The following BMPER variants were observed in gnomAD, a reference collection of about 807,000 sequenced individuals.
BMPER encodes BMP binding endothelial regulator.
Under a neutral mutation model 87.3 loss-of-function variants are expected in BMPER, and 45 were observed. That is an observed-to-expected ratio of 0.52 (90% CI 0.41 to 0.66). The LOEUF (loss-of-function observed/expected upper bound fraction) is 0.66, where lower values mean the gene tolerates loss of function less well. BMPER is among the 30% of genes least tolerant of loss of function. The probability of loss-of-function intolerance (pLI) is 0.00; values close to 1 mark genes in which losing one functional copy is unlikely to be tolerated. For synonymous variants in BMPER, 326 were observed against 316.2 expected (o/e 1.03, Z -0.33); for missense variants, 784 against 867.5 (o/e 0.90, Z 1.21).
At chr7:33,924,146 A>AT (rs1467930862) in intron 2 of BMPER, among the ~76,000 whole-genome samples, 2 of 152,022 alleles carry the variant, frequency 1.3e-5, no homozygotes, top group Non-Finnish European at 1.5e-5. Context: ...GCATGGCTCC[A>AT]TTTTTTCAGG....
intron 6 of BMPER, among the ~76,000 whole-genome samples, chr7:34,045,144 G>C (rs1446987088): frequency 6.6e-6 from 1 of 152,132 alleles, no homozygotes; most frequent in East Asian, 1.9e-4. Flanking sequence ...AAATCCCAGA[G>C]AAGCGAATTC....
chr7:33,970,401 T>A lies in BMPER; in HGVS notation c.475T>A (p.Cys159Ser). ...AAACCCTTTGGAGCATCTGGGAATG[T>A]GCTGCCCCACATGTCCAGGTAACGT... ...CKNPLEHLGM[C>S]CPTCPGCVFE... is the part of the protein sequence containing the mutation. Residue 159 changes from cysteine (C) to serine (S), a missense_variant, in exon 5 of 15, where the codon TGC becomes AGC. Physicochemically the swap from Cys to Ser is moderately radical, Grantham distance 112 (BLOSUM62 -1). Transcript: ENST00000649409. The A allele has an allele frequency of 6.2e-7, 1 of 1,614,136 alleles. No individual in the cohort carries two copies. The highest frequency in any genetic ancestry group is 8.5e-7 in the Non-Finnish European group (1 of 1,179,990).
intron 6 of BMPER, among the ~76,000 whole-genome samples, chr7:34,033,997 T>C (rs1333984824): frequency 1.3e-5 from 2 of 152,198 alleles, no homozygotes; most frequent in Non-Finnish European, 2.9e-5. Context: ...GACTTGTGTT[T>C]CTCCATCCTT....
intron 13 of BMPER, among the ~76,000 whole-genome samples, chr7:34,109,245 A>G (rs754382304): frequency 1.1e-4 from 17 of 152,198 alleles, no homozygotes; most frequent in Non-Finnish European, 4.4e-5. Flanking sequence ...GGCGGCAAAA[A>G]GCCAGTGTCT....
chr7:33,909,373 CA>C (rs1441599150), intron 2 of BMPER, among the ~76,000 whole-genome samples: 2 of 152,138 alleles, frequency 1.3e-5, no homozygotes, highest in African/African-American at 4.8e-5. Context: ...AAAGAACATC[CA>C]AATTATTTTA....
rs61007454 is a variant in BMPER at position 33,919,923 on chromosome 7, A to ATATCTATCTATCTATCTATCTATC, written c.219+13028_219+13051dup. Among the ~76,000 whole-genome samples, 411 of 150,828 alleles carry ATATCTATCTATCTATCTATCTATC rather than the reference A, an allele frequency of 2.7e-3. 2 individuals carry two copies. Among genetic ancestry groups the ATATCTATCTATCTATCTATCTATC allele is most frequent in the East Asian group, 4.7e-3 (24 of 5,056 alleles). Reference sequence around the variant, plus strand: ...TTTATAAGGTTATGTATCTGTGTACATATCTATCTATCTATCTATCTATCT... The same window carrying ATATCTATCTATCTATCTATCTATC: ...TTTATAAGGTTATGTATCTGTGTACATATCTATCTATCTATCTATCTATCTATCTATCTATCTATCTATCTATCT... On this transcript the variant is annotated intron_variant, in intron 2 of 14. Transcript: ENST00000649409.
intron 6 of BMPER, among the ~76,000 whole-genome samples, chr7:34,011,611 AAAAG>A (rs1407420391): frequency 1.3e-5 from 2 of 150,954 alleles, no homozygotes; most frequent in East Asian, 1.9e-4. Flanking sequence ...AAAAGAAAAA[AAAAG>A]AAAGAAAAAA....
intron 6 of BMPER, among the ~76,000 whole-genome samples, chr7:34,037,000 A>C (rs1787691499): frequency 6.6e-6 from 1 of 152,166 alleles, no homozygotes; most frequent in South Asian, 2.1e-4. Context: ...TTTTACCTTT[A>C]AAAATGAGAC....
chr7:34,056,895 C>T (rs146741509), intron 9 of BMPER, among the ~76,000 whole-genome samples: 264 of 152,260 alleles, frequency 1.7e-3, no homozygotes, highest in African/African-American at 6.0e-3. Flanking sequence ...GGATTACAGG[C>T]GTGAGCCACC....
At chr7:34,103,622 G>T (rs1414249582) in intron 13 of BMPER, among the ~76,000 whole-genome samples, 1 of 152,160 alleles carries the variant, frequency 6.6e-6, no homozygotes, top group East Asian at 1.9e-4. Context: ...GAAGGGGATT[G>T]CTATTGAATT....
chr7:34,107,480 T>A (rs545467407), intron 13 of BMPER, among the ~76,000 whole-genome samples: 2 of 152,280 alleles, frequency 1.3e-5, no homozygotes, highest in South Asian at 4.1e-4. Context: ...CTGACTAACA[T>A]CCTCCAGGGA....
At chr7:33,935,569 C>A (rs995885136) in intron 2 of BMPER, among the ~76,000 whole-genome samples, 1 of 148,766 alleles carries the variant, frequency 6.7e-6, no homozygotes, top group African/African-American at 2.5e-5. Flanking sequence ...TATAACAGAT[C>A]CCAAAAAAGA....
At chr7:34,065,918 G>A (rs1299907949) in intron 11 of BMPER, among the ~76,000 whole-genome samples, 2 of 152,136 alleles carry the variant, frequency 1.3e-5, no homozygotes, top group Non-Finnish European at 2.9e-5. Flanking sequence ...ACACATACAT[G>A]CATACGTCAA....
At chr7:33,994,289 C>A (rs1292834309) in intron 6 of BMPER, among the ~76,000 whole-genome samples, 1 of 152,218 alleles carries the variant, frequency 6.6e-6, no homozygotes, top group Non-Finnish European at 1.5e-5. Flanking sequence ...GGGCGTAGGA[C>A]CCTCCGAGCC....
intron 6 of BMPER, among the ~76,000 whole-genome samples, chr7:33,980,653 C>T (rs1035139202): frequency 3.3e-5 from 5 of 152,102 alleles, no homozygotes; most frequent in Admixed American, 2.0e-4. Context: ...AAATTGCTTA[C>T]GGGAGGGAGT....
chr7:33,933,060 A>G (rs1784518240), intron 2 of BMPER, among the ~76,000 whole-genome samples: 1 of 152,230 alleles, frequency 6.6e-6, no homozygotes, highest in Non-Finnish European at 1.5e-5. Flanking sequence ...ATCTCGTGGC[A>G]GATCTCAGAC....
upstream of BMPER, chr7:33,905,419 G>GCCCCCCCCCCCCCCCCCCCCCCCC: frequency 4.5e-5 from 5 of 110,388 alleles, no homozygotes; most frequent in South Asian, 3.7e-4. Flanking sequence ...CTCCCCGGGC[G>GCCCCCCCCCCCCCCCCCCCCCCCC]CCCCCACACC....
chr7:33,939,781 T>C (rs547516509), intron 3 of BMPER, among the ~76,000 whole-genome samples: 2 of 152,306 alleles, frequency 1.3e-5, no homozygotes, highest in East Asian at 3.9e-4. Context: ...TCCCCAGCCA[T>C]GCTGAGCTGT....
rs562681864 is a variant in BMPER at position 33,919,124 on chromosome 7, G to T, written c.219+12221G>T. Reference sequence around the variant, plus strand: ...CATGTAAACCATATACTGACCAAGGGCAAAAAAAATTTTCTTAAATTACTT... The same window carrying T: ...CATGTAAACCATATACTGACCAAGGTCAAAAAAAATTTTCTTAAATTACTT... On this transcript the variant is annotated intron_variant, in intron 2 of 14. Coordinates refer to ENST00000649409, the MANE Select transcript of BMPER (RefSeq NM_001365308.1). 2.6e-5 allele frequency among the ~76,000 whole-genome samples: 4 copies of T among 152,032 alleles called. No homozygotes were observed. The South Asian group carries it at 8.3e-4, about 32-fold the overall frequency.
Sources: allele counts gnomAD v4.1 joint callset (sites outside exome capture counted in the v4.1 genomes callset), GRCh38; gene constraint gnomAD v4.1.1; transcripts MANE v1.5; gene names NCBI Gene and HGNC (gene_info 2026-07-23, HGNC 2026-07-21).